Variants in CEP128 observed in about 807,000 individuals in gnomAD.
CEP128 encodes the protein centrosomal protein 128, also known as centrosomal protein 128kDa.
In CEP128, 132 loss-of-function variants were observed where a neutral mutation model predicts 156.7. The ratio of observed to expected loss-of-function variants is 0.84; its 90% confidence interval spans 0.73 to 0.97. The LOEUF is 0.97. Ranked by LOEUF, CEP128 falls within the 50% of genes least tolerant of loss-of-function variation. The pLI, the probability that CEP128 is intolerant of heterozygous loss-of-function variation, is 0.00. For missense variants in CEP128, 1,252 were observed against 1,281.9 expected (o/e 0.98, Z 0.36); for synonymous variants, 469 against 448.9 (o/e 1.04, Z -0.57).
At chr14:80,813,932 T>C (rs1884703016) in intron 13 of CEP128, among the ~76,000 whole-genome samples, 1 of 152,224 alleles carries the variant, frequency 6.6e-6, no homozygotes, top group Non-Finnish European at 1.5e-5. Flanking sequence ...AATCAATTTT[T>C]GTTGCGCAGA....
intron 13 of CEP128, among the ~76,000 whole-genome samples, chr14:80,818,504 C>T (rs1205912900): frequency 6.6e-6 from 1 of 152,234 alleles, no homozygotes; most frequent in Non-Finnish European, 1.5e-5. Flanking sequence ...CCTGTGACTC[C>T]AATCCCTGGC....
intron 19 of CEP128, among the ~76,000 whole-genome samples, chr14:80,647,011 A>ATATGTGTG (rs1233103116): frequency 1.4e-5 from 1 of 72,526 alleles, no homozygotes; most frequent in East Asian, 3.8e-4. Context: ...ATATATATAT[A>ATATGTGTG]TGTGTGTGTA....
chr14:80,648,717 A>C (rs938080158), intron 19 of CEP128, among the ~76,000 whole-genome samples: 5 of 152,226 alleles, frequency 3.3e-5, no homozygotes, highest in Admixed American at 2.0e-4. Context: ...TTCATTCATT[A>C]ATTCATTCAT....
At chr14:80,598,795 A>G (rs1193516155) in intron 19 of CEP128, among the ~76,000 whole-genome samples, 2 of 152,192 alleles carry the variant, frequency 1.3e-5, no homozygotes, top group African/African-American at 4.8e-5. Context: ...AACAGAATAG[A>G]AAAGTAATTG....
intron 20 of CEP128, among the ~76,000 whole-genome samples, chr14:80,565,828 T>C (rs111338737): frequency 2.6e-5 from 4 of 152,312 alleles, no homozygotes; most frequent in African/African-American, 7.2e-5. Context: ...TAGAAACTTA[T>C]AGGTCTAAAT....
chr14:80,624,460 T>C (rs1010014929), intron 19 of CEP128, among the ~76,000 whole-genome samples: 2 of 152,198 alleles, frequency 1.3e-5, no homozygotes, highest in Non-Finnish European at 2.9e-5. Flanking sequence ...GATTGCTTGA[T>C]TGTAAGGTAG....
chr14:80,551,700 C>T (rs1000343880), intron 21 of CEP128, among the ~76,000 whole-genome samples: 1 of 152,140 alleles, frequency 6.6e-6, no homozygotes, highest in African/African-American at 2.4e-5. Flanking sequence ...ATTTCTGGAG[C>T]TATACACTCT....
chr14:80,562,388 C>A (rs549216845), intron 20 of CEP128, among the ~76,000 whole-genome samples: 1 of 152,146 alleles, frequency 6.6e-6, no homozygotes, highest in East Asian at 1.9e-4. Flanking sequence ...TAATAAGATA[C>A]CAGCCATTGT....
chr14:80,608,997 T>C lies in CEP128; in HGVS notation c.2807-28574A>G, dbSNP rs116447889. On this transcript the variant is annotated intron_variant, in intron 19 of 24. Transcript: ENST00000555265. ...AATAAATATTGACTATAGGAATGCATATTAAAAATGTATATTGAAGATTGA... is the reference window on the plus strand; with the variant it reads ...AATAAATATTGACTATAGGAATGCACATTAAAAATGTATATTGAAGATTGA... Among the ~76,000 whole-genome samples, 515 of 152,284 alleles carry C rather than the reference T, an allele frequency of 3.4e-3. 1 individual carries two copies. Among genetic ancestry groups the C allele is most frequent in the African/African-American group, 0.012 (495 of 41,562 alleles).
intron 16 of CEP128, among the ~76,000 whole-genome samples, chr14:80,762,140 G>A (rs544591206): frequency 7.9e-5 from 12 of 152,126 alleles, no homozygotes; most frequent in South Asian, 2.1e-4. Context: ...CTTTTGAGTC[G>A]TGAAAATTTG....
intron 21 of CEP128, among the ~76,000 whole-genome samples, chr14:80,531,781 G>T (rs1026431754): frequency 1.3e-5 from 2 of 152,182 alleles, no homozygotes; most frequent in Non-Finnish European, 2.9e-5. Context: ...GCACAAAGTT[G>T]CAGGGAAGTT....
At chr14:80,781,864 A>T (rs935066426) in intron 15 of CEP128, among the ~76,000 whole-genome samples, 2 of 152,222 alleles carry the variant, frequency 1.3e-5, no homozygotes, top group African/African-American at 4.8e-5. Flanking sequence ...GATCTTGAAC[A>T]TGCTCTAACT....
rs575395840 is a variant in CEP128 at position 80,629,925 on chromosome 14, G to C, written c.2807-49502C>G. Among the ~76,000 whole-genome samples, 5 of 152,008 alleles carry C rather than the reference G, an allele frequency of 3.3e-5. No individual in the cohort carries two copies. In the East Asian group the frequency reaches 9.7e-4, roughly 29 times the overall value. ...TTAAGAGAGAATTGAATGTATATAA[G>C]TCATGTGGTTTGCTATCCACTGATC... On this transcript the variant is annotated intron_variant, in intron 19 of 24. Coordinates refer to ENST00000555265, the MANE Select transcript of CEP128 (RefSeq NM_152446.5).
chr14:80,645,567 A>G (rs1043014780), intron 19 of CEP128, among the ~76,000 whole-genome samples: 1 of 152,192 alleles, frequency 6.6e-6, no homozygotes, highest in South Asian at 2.1e-4. Flanking sequence ...AAATCATGGC[A>G]CCAAAAGCTG....
At chr14:80,577,401 G>A (rs1566790046) in intron 20 of CEP128, among the ~76,000 whole-genome samples, 1 of 152,114 alleles carries the variant, frequency 6.6e-6, no homozygotes, top group Non-Finnish European at 1.5e-5. Flanking sequence ...AAATTGAACT[G>A]ATCAACTTCC....
intron 19 of CEP128, among the ~76,000 whole-genome samples, chr14:80,619,418 G>A (rs766110897): frequency 8.5e-4 from 96 of 112,702 alleles, no homozygotes; most frequent in South Asian, 1.6e-3. Context: ...ATAGAAAACA[G>A]GCCTGGCATG....
chr14:80,605,648 A>G (rs1191120611), intron 19 of CEP128, among the ~76,000 whole-genome samples: 1 of 152,102 alleles, frequency 6.6e-6, no homozygotes, highest in Non-Finnish European at 1.5e-5. Context: ...ATTACATAAC[A>G]TGAATATTTT....
chr14:80,917,271 T>C (rs1239793172), intron 2 of CEP128, among the ~76,000 whole-genome samples: 1 of 152,190 alleles, frequency 6.6e-6, no homozygotes, highest in African/African-American at 2.4e-5. Context: ...TAAAAAAAAT[T>C]ATTTCATGCA....
intron 8 of CEP128, among the ~76,000 whole-genome samples, chr14:80,891,372 C>CA (rs1005871810): frequency 2.0e-5 from 3 of 150,204 alleles, no homozygotes; most frequent in East Asian, 1.9e-4. Flanking sequence ...ACTATTCAGC[C>CA]AAAAAAAAGA....
Sources: gnomAD v4.1 joint callset for allele counts (sites outside exome capture counted in the v4.1 genomes callset) on GRCh38, gnomAD v4.1.1 for gene constraint, MANE v1.5 for transcripts, NCBI Gene and HGNC (gene_info 2026-07-23, HGNC 2026-07-21) for gene names.